Variants in AKR1C3 observed in about 807,000 individuals in gnomAD.
AKR1C3 encodes aldo-keto reductase family 1 member C3.
AKR1C3 carries 48 observed loss-of-function variants against 43.6 expected under a neutral mutation model. The ratio of observed to expected loss-of-function variants is 1.10; its 90% CI spans 0.87 to 1.40. AKR1C3 has a LOEUF of 1.40. Among genes scored for constraint, AKR1C3 ranks in the 40% most tolerant of loss-of-function variants. The pLI is 0.00. For synonymous variants in AKR1C3, 162 were observed against 139.6 expected, an observed-to-expected ratio of 1.16 and a Z score of -1.13; for missense variants, 482 against 391.2, an observed-to-expected ratio of 1.23 and a Z score of -1.96.
intron 1 of AKR1C3, among the ~76,000 whole-genome samples, chr10:5,094,819 T>C (rs192951803): frequency 6.6e-6 from 1 of 152,266 alleles, no homozygotes; most frequent in East Asian, 1.9e-4. Flanking sequence ...CTGTTGGTCA[T>C]CTCCCTCTGG....
intron 3 of AKR1C3, chr10:5,098,318 C>A: frequency 2.2e-6 from 1 of 454,642 alleles, no homozygotes; most frequent in Non-Finnish European, 2.9e-6. Context: ...TTTGGAGCAG[C>A]TCAAGGCTCA....
Position 5,107,519 on chromosome 10 carries a change from C to T in AKR1C3, c.*16C>T. 4 of 1,577,070 alleles carry T rather than the reference C, an allele frequency of 2.5e-6. No homozygotes were observed. Among genetic ancestry groups the T allele is most frequent in the Non-Finnish European group, 3.5e-6 (4 of 1,147,758 alleles). On this transcript the variant is annotated 3_prime_UTR_variant, in exon 9 of 9. Transcript: ENST00000380554. Reference sequence around the variant, plus strand: ...TGAATATTAACATGGAGGGCTTTGCCTGATGTCTACCAGAAGCCCTGTGTG... The same window carrying T: ...TGAATATTAACATGGAGGGCTTTGCTTGATGTCTACCAGAAGCCCTGTGTG...
chr10:5,063,764 G>GAAAAAAAAAAAAAAAAAAAAAA (rs1406943359), intron 1 of AKR1C3, among the ~76,000 whole-genome samples: 2 of 33,444 alleles, frequency 6.0e-5, no homozygotes, highest in Non-Finnish European at 1.1e-4. Flanking sequence ...CTCTGTCTCA[G>GAAAAAAAAAAAAAAAAAAAAAA]CAAAAAAAAA....
intron 1 of AKR1C3, among the ~76,000 whole-genome samples, chr10:5,082,178 G>A (rs1286764157): frequency 6.6e-6 from 1 of 152,138 alleles, no homozygotes; most frequent in Non-Finnish European, 1.5e-5. Context: ...AAATCTAGGA[G>A]TCTTTTTGAG....
intron 1 of AKR1C3, among the ~76,000 whole-genome samples, chr10:5,063,456 G>T (rs1250192793): frequency 6.6e-6 from 1 of 152,048 alleles, no homozygotes; most frequent in African/African-American, 2.4e-5. Flanking sequence ...TGGTAGTAAA[G>T]GTGAATATGA....
chr10:5,102,708 T>C, intron 7 of AKR1C3, 58 bp downstream of exon 7: 1 of 1,455,072 alleles, frequency 6.9e-7, no homozygotes, highest in Middle Eastern at 2.6e-4. Context: ...ACACGTGTGC[T>C]TCTTGTAAGG....
chr10:5,107,658 G>A lies in AKR1C3; in HGVS notation c.*155G>A. ...TACAGCTGAGTCCATAGGCCAGAAAGACAATAAATTTTTATCATTTTGAAA... is the reference window on the plus strand; with the variant it reads ...TACAGCTGAGTCCATAGGCCAGAAAAACAATAAATTTTTATCATTTTGAAA... On this transcript the variant is annotated 3_prime_UTR_variant, in exon 9 of 9. Transcript: ENST00000380554. 1 of 576,874 alleles carries A rather than the reference G, an allele frequency of 1.7e-6. No individual in the cohort carries two copies. The highest frequency in any genetic ancestry group is 1.9e-5 in the African/African-American group (1 of 51,328). 35.7% of individuals were successfully genotyped at this position (576,874 alleles called of 1,614,324 possible).
intron 1 of AKR1C3, among the ~76,000 whole-genome samples, chr10:5,058,076 C>T (rs1448455292): frequency 6.6e-6 from 1 of 151,984 alleles, no homozygotes; most frequent in Non-Finnish European, 1.5e-5. Flanking sequence ...AACCAATAGC[C>T]CGGGGGGTTT....
chr10:5,059,618 C>T (rs1554780001), intron 1 of AKR1C3, among the ~76,000 whole-genome samples: 1 of 152,160 alleles, frequency 6.6e-6, no homozygotes, highest in Non-Finnish European at 1.5e-5. Context: ...TGTCTTTAGT[C>T]CAGCGGCCGC....
rs782578387 is a variant in AKR1C3, at chr10:5,099,287, C to T, written c.448-40C>T. On this transcript the variant is annotated intron_variant, in intron 4 of 8. Coordinates refer to ENST00000380554, the MANE Select transcript of AKR1C3 (RefSeq NM_003739.6). ...TCTTGCATTTACCGTGATTTGCAGCCAACTGCACAAATAATTCCTCACAAC... is the reference window on the plus strand; with the variant it reads ...TCTTGCATTTACCGTGATTTGCAGCTAACTGCACAAATAATTCCTCACAAC... The T allele has an allele frequency of 4.3e-6, 7 of 1,613,186 alleles. No homozygotes were observed. The South Asian group carries it at 4.4e-5, about 10-fold the overall frequency.
At chr10:5,106,514 G>A (rs908159528) in intron 8 of AKR1C3, among the ~76,000 whole-genome samples, 1 of 152,168 alleles carries the variant, frequency 6.6e-6, no homozygotes, top group Non-Finnish European at 1.5e-5. Context: ...ACTTTGGGAG[G>A]CTGAGGTGGG....
intron 7 of AKR1C3, among the ~76,000 whole-genome samples, chr10:5,104,530 CTTTATTT>C (rs1260095441): frequency 6.6e-6 from 1 of 150,882 alleles, no homozygotes; most frequent in Non-Finnish European, 1.5e-5. Context: ...TTTTCTAACT[CTTTATTT>C]TATTTGATAA....
At chr10:5,076,767 G>T (rs1838723960) in intron 1 of AKR1C3, among the ~76,000 whole-genome samples, 1 of 152,060 alleles carries the variant, frequency 6.6e-6, no homozygotes, top group Non-Finnish European at 1.5e-5. Flanking sequence ...TCACTGTCAT[G>T]CATAGAGCTC....
chr10:5,072,013 G>A (rs1838619862), intron 1 of AKR1C3, among the ~76,000 whole-genome samples: 1 of 152,142 alleles, frequency 6.6e-6, no homozygotes, highest in Non-Finnish European at 1.5e-5. Flanking sequence ...ATGTTAATCA[G>A]TACCCAGCTT....
intron 2 of AKR1C3, among the ~76,000 whole-genome samples, chr10:5,096,832 T>C (rs1162712108): frequency 6.6e-6 from 1 of 152,212 alleles, no homozygotes; most frequent in East Asian, 1.9e-4. Flanking sequence ...TGATTTGACA[T>C]GTGCTATAGA....
chr10:5,104,426 A>T (rs1324294790), intron 7 of AKR1C3, among the ~76,000 whole-genome samples: 1 of 152,092 alleles, frequency 6.6e-6, no homozygotes, highest in African/African-American at 2.4e-5. Context: ...TTCACAAATA[A>T]TATTCTTGCC....
At chr10:5,083,920 G>A (rs1402603215) in intron 1 of AKR1C3, among the ~76,000 whole-genome samples, 1 of 152,070 alleles carries the variant, frequency 6.6e-6, no homozygotes. Flanking sequence ...CTTTTTGATG[G>A]GGTTGTTTGT....
intron 1 of AKR1C3, among the ~76,000 whole-genome samples, chr10:5,061,744 C>G (rs1838387982): frequency 1.3e-5 from 2 of 152,160 alleles, no homozygotes; most frequent in South Asian, 4.1e-4. Context: ...TCAGATTCCC[C>G]TAACTACCAA....
chr10:5,092,405 C>T (rs1418182876), upstream of AKR1C3, among the ~76,000 whole-genome samples: 1 of 151,792 alleles, frequency 6.6e-6, no homozygotes, highest in Admixed American at 6.6e-5. Context: ...TTCTCCTTCT[C>T]AGAATCCAAT....
Sources: gnomAD v4.1 joint callset for allele counts (sites outside exome capture counted in the v4.1 genomes callset) on GRCh38, gnomAD v4.1.1 for gene constraint, MANE v1.5 for transcripts, NCBI Gene and HGNC (gene_info 2026-07-23, HGNC 2026-07-21) for gene names.